Variants in RGS6 observed in about 807,000 individuals in gnomAD.
RGS6 encodes the protein regulator of G-protein signaling 6.
In RGS6, 30 loss-of-function variants were observed where a neutral mutation model predicts 78.5. That is an observed-to-expected ratio of 0.38 (90% CI 0.29 to 0.52). The LOEUF (loss-of-function observed/expected upper bound fraction) is 0.52, where lower values mean the gene tolerates loss of function less well. RGS6 is among the 20% of genes least tolerant of loss of function. The pLI, the probability that RGS6 is intolerant of heterozygous loss-of-function variation, is 0.85. For missense variants in RGS6, 495 were observed against 609.7 expected (o/e 0.81, Z 1.98); for synonymous variants, 206 against 206.0 (o/e 1.00, Z 0.00).
At chr14:72,384,078 A>T (rs1442722910) in intron 3 of RGS6, among the ~76,000 whole-genome samples, 3 of 152,228 alleles carry the variant, frequency 2.0e-5, no homozygotes, top group Non-Finnish European at 2.9e-5. Flanking sequence ...AGTGACACAC[A>T]CACGTTTTGA....
At chr14:71,965,945 C>T (rs562962994) in intron 2 of RGS6, among the ~76,000 whole-genome samples, 174 of 152,186 alleles carry the variant, frequency 1.1e-3, no homozygotes, top group Middle Eastern at 3.4e-3. Flanking sequence ...GGGTTTTTGA[C>T]GTTGGGTAAA....
At chr14:72,407,113 A>G (rs564515110) in intron 3 of RGS6, among the ~76,000 whole-genome samples, 5 of 152,278 alleles carry the variant, frequency 3.3e-5, no homozygotes, top group South Asian at 2.1e-4. Context: ...ATCATGTCCT[A>G]TTGTATTGTA....
intron 2 of RGS6, among the ~76,000 whole-genome samples, chr14:72,234,021 T>C (rs1289825829): frequency 6.6e-6 from 1 of 152,120 alleles, no homozygotes; most frequent in African/African-American, 2.4e-5. Flanking sequence ...CGGGCATAGT[T>C]GTGCTATGCT....
the RGS6 span, chr14:72,619,176 G>A: frequency 1.6e-3 from 1,533 of 983,802 alleles, 15 homozygotes; most frequent in Non-Finnish European, 1.0e-3. Flanking sequence ...TGCCCCTCTG[G>A]GACTATTTCT....
chr14:72,134,381 C>T (rs759569933), intron 2 of RGS6, among the ~76,000 whole-genome samples: 1 of 152,216 alleles, frequency 6.6e-6, no homozygotes, highest in Non-Finnish European at 1.5e-5. Flanking sequence ...CTAAAGTCTG[C>T]ACATATTCCT....
chr14:71,962,741 A>G (rs1430963892), intron 1 of RGS6, among the ~76,000 whole-genome samples: 3 of 152,232 alleles, frequency 2.0e-5, no homozygotes, highest in African/African-American at 7.2e-5. Flanking sequence ...TAGTGAAGAA[A>G]GCAGGTAGTG....
intron 1 of RGS6, among the ~76,000 whole-genome samples, chr14:71,958,234 T>G (rs2153026075): frequency 6.6e-6 from 1 of 152,316 alleles, no homozygotes; most frequent in East Asian, 1.9e-4. Context: ...ATCTACTTTA[T>G]GTAGGTGATT....
Position 72,148,664 on chromosome 14 carries a change from G to A in RGS6, c.84+183789G>A, listed in dbSNP as rs564501541. ...GAACTTGGTATTGATTGAATATGGT[G>A]TGGGGGCAGGGTTATTAGCATGGCC... is the stretch of plus-strand genomic sequence containing the variant. On this transcript the variant is annotated intron_variant, in intron 2 of 17. Coordinates refer to ENST00000553525, the MANE Select transcript of RGS6 (RefSeq NM_001204424.2). Among the ~76,000 whole-genome samples the A allele has an allele frequency of 9.8e-5, 15 of 152,316 alleles. 1 individual carries two copies. The South Asian group carries it at 3.1e-3, about 32-fold the overall frequency.
At chr14:71,935,424 AATAT>A (rs2088934673) in intron 1 of RGS6, among the ~76,000 whole-genome samples, 1 of 152,234 alleles carries the variant, frequency 6.6e-6, no homozygotes, top group African/African-American at 2.4e-5. Flanking sequence ...CATTTTTATA[AATAT>A]AAAATATAGC....
intron 2 of RGS6, among the ~76,000 whole-genome samples, chr14:72,342,331 C>T (rs573873661): frequency 1.2e-4 from 18 of 151,986 alleles, no homozygotes; most frequent in Non-Finnish European, 2.5e-4. Flanking sequence ...TTTGGGAGGC[C>T]AAGGCAGGCA....
chr14:72,382,172 T>A (rs751693246), intron 3 of RGS6, among the ~76,000 whole-genome samples: 1 of 152,014 alleles, frequency 6.6e-6, no homozygotes, highest in Non-Finnish European at 1.5e-5. Flanking sequence ...GAAGCCACAA[T>A]TGGAAGAAGA....
chr14:72,616,632 C>G, the RGS6 span, among the ~76,000 whole-genome samples: 41 of 152,166 alleles, frequency 2.7e-4, no homozygotes, highest in Non-Finnish European at 4.4e-5. Context: ...GCAAGTGTTA[C>G]TATCTCCACT....
intron 3 of RGS6, among the ~76,000 whole-genome samples, chr14:72,436,911 G>A (rs543790670): frequency 6.6e-6 from 1 of 152,302 alleles, no homozygotes; most frequent in Admixed American, 6.5e-5. Context: ...AGAGTGCAGA[G>A]TTGAAGAGAT....
At chr14:72,486,453 CA>C (rs1370924827) in intron 12 of RGS6, among the ~76,000 whole-genome samples, 1 of 151,970 alleles carries the variant, frequency 6.6e-6, no homozygotes, top group Non-Finnish European at 1.5e-5. Context: ...GTACAATTCT[CA>C]GGAGACAAGC....
intron 4 of RGS6, among the ~76,000 whole-genome samples, chr14:72,455,396 A>AT (rs943002818): frequency 7.2e-5 from 11 of 152,108 alleles, no homozygotes; most frequent in African/African-American, 1.9e-4. Flanking sequence ...CTTTTTGAAG[A>AT]TTTTTTTGAA....
chr14:71,908,868 T>C, the RGS6 span, among the ~76,000 whole-genome samples: 2 of 152,294 alleles, frequency 1.3e-5, no homozygotes, highest in African/African-American at 4.8e-5. Context: ...AAGGCACTTA[T>C]AAGGTTAATA....
At chr14:72,613,646 G>C in the RGS6 span, among the ~76,000 whole-genome samples, 1 of 152,162 alleles carries the variant, frequency 6.6e-6, no homozygotes, top group African/African-American at 2.4e-5. Context: ...AGAACCCAGA[G>C]AGAGCCTGTT....
chr14:72,177,734 T>C (rs2097125113), intron 2 of RGS6, among the ~76,000 whole-genome samples: 1 of 152,218 alleles, frequency 6.6e-6, no homozygotes, highest in South Asian at 2.1e-4. Flanking sequence ...AAATGGCCTT[T>C]GAGCTTTCAT....
At chr14:72,432,321 G>T (rs1408604495) in intron 3 of RGS6, among the ~76,000 whole-genome samples, 1 of 152,194 alleles carries the variant, frequency 6.6e-6, no homozygotes, top group Non-Finnish European at 1.5e-5. Flanking sequence ...GAAATTGTTA[G>T]TTCTGGCAGC....
Sources: allele counts gnomAD v4.1 joint callset (sites outside exome capture counted in the v4.1 genomes callset), GRCh38; gene constraint gnomAD v4.1.1; transcripts MANE v1.5; gene names NCBI Gene and HGNC (gene_info 2026-07-23, HGNC 2026-07-21).